Variants in RTN4RL1 observed in about 807,000 individuals in gnomAD.
RTN4RL1 encodes reticulon 4 receptor like 1, also known as reticulon-4 receptor-like 1.
In RTN4RL1, 7 loss-of-function variants were observed where a neutral mutation model predicts 25.6. That is an observed-to-expected ratio of 0.27 (90% CI 0.16 to 0.51). The LOEUF (loss-of-function observed/expected upper bound fraction) is 0.51. RTN4RL1 is among the 20% of genes least tolerant of loss of function. The pLI is 0.97. For synonymous variants in RTN4RL1, 297 were observed against 288.2 expected (o/e 1.03, Z -0.31); for missense variants, 500 against 615.6 (o/e 0.81, Z 1.99).
intron 1 of RTN4RL1, among the ~76,000 whole-genome samples, chr17:1,983,670 T>A (rs1210956124): frequency 6.6e-6 from 1 of 152,128 alleles, no homozygotes; most frequent in Non-Finnish European, 1.5e-5. Context: ...CCCAAGCAGC[T>A]AAGACCATAG....
At chr17:1,970,353 C>T (rs75407902) in intron 1 of RTN4RL1, among the ~76,000 whole-genome samples, 11,712 of 152,176 alleles carry the variant, frequency 0.077, 516 homozygotes, top group Non-Finnish European at 0.1. Context: ...TCTCTGTGCA[C>T]GATCTCTCCA....
intron 1 of RTN4RL1, among the ~76,000 whole-genome samples, chr17:1,992,579 T>C (rs1273067759): frequency 1.3e-5 from 2 of 152,164 alleles, no homozygotes; most frequent in Non-Finnish European, 2.9e-5. Flanking sequence ...ATTATTATTA[T>C]CGCTGTTGTG....
At chr17:1,976,026 CA>C (rs1310241457) in intron 1 of RTN4RL1, among the ~76,000 whole-genome samples, 3 of 152,202 alleles carry the variant, frequency 2.0e-5, no homozygotes, top group African/African-American at 7.2e-5. Flanking sequence ...AGCACTCACT[CA>C]AAATGCCTTT....
Position 1,937,693 on chromosome 17 carries a change from G to T in RTN4RL1, c.129C>A (p.His43Gln). The T allele has an allele frequency of 6.2e-7, 1 of 1,613,408 alleles. No individual in the cohort carries two copies. The highest frequency in any genetic ancestry group is 1.1e-5 in the South Asian group (1 of 91,072). Residue 43 changes from histidine (H) to glutamine (Q), a missense_variant, in exon 2 of 2, where the codon CAC (histidine) becomes CAA (glutamine). His to Gln is a conservative substitution (Grantham distance 24). Transcript: ENST00000331238. ...TGCCCTCCGGGATGGCTGCAAAGTT[G>T]TGCGCCTGGCAGCTGACCGTCATGG... The part of the protein sequence containing the change: ...PAPMTVSCQA[H>Q]NFAAIPEGIP...
At chr17:1,945,681 C>G (rs952534403) in intron 1 of RTN4RL1, among the ~76,000 whole-genome samples, 1 of 152,222 alleles carries the variant, frequency 6.6e-6, no homozygotes, top group African/African-American at 2.4e-5. Flanking sequence ...ACAGCATTCC[C>G]CCTCTTCTAA....
At chr17:2,002,861 A>G (rs1214104689) in intron 1 of RTN4RL1, among the ~76,000 whole-genome samples, 1 of 152,178 alleles carries the variant, frequency 6.6e-6, no homozygotes, top group Non-Finnish European at 1.5e-5. Flanking sequence ...GACCCAACTC[A>G]GCAGCAAGGG....
intron 1 of RTN4RL1, among the ~76,000 whole-genome samples, chr17:2,012,868 A>G (rs2067067554): frequency 6.6e-6 from 1 of 150,716 alleles, no homozygotes. Flanking sequence ...ATCTCGGCTC[A>G]CCGCAACTTC....
At position 1,935,489 on chromosome 17, in the gene RTN4RL1, T is replaced by C. The variant is rs2151302899; in HGVS notation, c.*1007A>G. The C allele has an allele frequency of 3.1e-6, 3 of 965,646 alleles. No individual in the cohort carries two copies. In the South Asian group the frequency reaches 1.4e-4, roughly 46 times the overall value. The allele number at this position is 965,646 out of a possible 1,614,324, so 59.8% of individuals were successfully genotyped here. A position where few individuals can be genotyped will look rare whatever the true frequency, so the allele number is the denominator to read the frequency against. On this transcript the variant is annotated 3_prime_UTR_variant, in exon 2 of 2. Transcript: ENST00000331238. ...GTGACTCTTGCTGCCTCCCCCTTCC[T>C]CACCGTCCCGCCGACACCTTGCCCC...
At chr17:2,011,026 C>T (rs1040223229) in intron 1 of RTN4RL1, among the ~76,000 whole-genome samples, 15 of 152,192 alleles carry the variant, frequency 9.9e-5, no homozygotes, top group Admixed American at 7.2e-4. Flanking sequence ...CCAAGGCAGG[C>T]GGATCACCTG....
intron 1 of RTN4RL1, among the ~76,000 whole-genome samples, chr17:1,943,302 C>T (rs1466649175): frequency 6.6e-6 from 1 of 152,260 alleles, no homozygotes; most frequent in East Asian, 1.9e-4. Flanking sequence ...CCAGCTCCAT[C>T]CTGCACGTGG....
At chr17:1,980,517 G>A (rs7207686) in intron 1 of RTN4RL1, among the ~76,000 whole-genome samples, 26,700 of 151,988 alleles carry the variant, frequency 0.18, 2,631 homozygotes, top group Middle Eastern at 0.25. Flanking sequence ...GCTTGGCTCT[G>A]CCCTGGGTAT....
At chr17:2,005,964 T>G (rs1364681431) in intron 1 of RTN4RL1, among the ~76,000 whole-genome samples, 1 of 150,980 alleles carries the variant, frequency 6.6e-6, no homozygotes, top group African/African-American at 2.4e-5. Context: ...GCCCGCCTTA[T>G]TTTTTGTATT....
chr17:1,972,694 C>A (rs2066825736), intron 1 of RTN4RL1, among the ~76,000 whole-genome samples: 1 of 152,358 alleles, frequency 6.6e-6, no homozygotes, highest in East Asian at 1.9e-4. Flanking sequence ...AACTTCCCGA[C>A]TCAGCCGCAA....
intron 1 of RTN4RL1, among the ~76,000 whole-genome samples, chr17:1,987,574 G>A (rs199617887): frequency 3.3e-5 from 5 of 152,238 alleles, no homozygotes; most frequent in Admixed American, 6.5e-5. Flanking sequence ...TTTTGTTTCC[G>A]TCTTTTGTAA....
At chr17:1,954,383 C>CT (rs55654151) in intron 1 of RTN4RL1, among the ~76,000 whole-genome samples, 3,593 of 124,224 alleles carry the variant, frequency 0.029, 201 homozygotes, top group African/African-American at 0.083. Flanking sequence ...TGCTTCCTTC[C>CT]TTTTTTTTTT....
At position 1,936,243 on chromosome 17, in the gene RTN4RL1, T is replaced by C; in HGVS notation, c.*253A>G. 1 of 1,306,204 alleles carries C rather than the reference T, an allele frequency of 7.7e-7. No individual in the cohort carries two copies. The allele number at this position is 1,306,204 out of a possible 1,614,324, so 80.9% of individuals were successfully genotyped here. A position where few individuals can be genotyped will look rare whatever the true frequency, so the allele number is the denominator to read the frequency against. ...AGTGCCTTTTCCCACCTTGCCAGAG[T>C]GGACACTGTCCGTGGGCGCTCTGCG... On this transcript the variant is annotated 3_prime_UTR_variant, in exon 2 of 2. Transcript: ENST00000331238.
intron 1 of RTN4RL1, among the ~76,000 whole-genome samples, chr17:1,993,629 A>G (rs1288286556): frequency 6.6e-6 from 1 of 152,138 alleles, no homozygotes; most frequent in African/African-American, 2.4e-5. Flanking sequence ...GGTTCAATAA[A>G]GCATCCGTTC....
chr17:2,001,166 T>G (rs1288902442), intron 1 of RTN4RL1, among the ~76,000 whole-genome samples: 2 of 142,388 alleles, frequency 1.4e-5, no homozygotes, highest in South Asian at 4.5e-4. Flanking sequence ...GGATTACAGG[T>G]GTGAGCCACC....
chr17:1,980,835 G>A (rs1225567809), intron 1 of RTN4RL1, among the ~76,000 whole-genome samples: 1 of 130,894 alleles, frequency 7.6e-6, no homozygotes, highest in Non-Finnish European at 1.6e-5. Context: ...GGCTGAGGCA[G>A]GAGAATCACT....
Sources: gnomAD v4.1 joint callset for allele counts (sites outside exome capture counted in the v4.1 genomes callset) on GRCh38, gnomAD v4.1.1 for gene constraint, MANE v1.5 for transcripts, NCBI Gene and HGNC (gene_info 2026-07-23, HGNC 2026-07-21) for gene names.